The following TMBIM4 variants were observed in gnomAD, a reference collection of about 807,000 sequenced individuals.
TMBIM4 encodes protein lifeguard 4.
In TMBIM4, 28 loss-of-function variants were observed where a neutral mutation model predicts 27.7. The observed-to-expected ratio is 1.01, with a 90% CI of 0.75 to 1.38. The LOEUF is 1.38. TMBIM4 is among the 40% of genes most tolerant of loss of function. The pLI is 0.00. For missense variants in TMBIM4, 265 were observed against 277.5 expected, an observed-to-expected ratio of 0.95 and a Z score of 0.32; for synonymous variants, 115 against 113.1, an observed-to-expected ratio of 1.02 and a Z score of -0.11.
At chr12:66,139,283 T>C (rs1370011291) in intron 5 of TMBIM4, among the ~76,000 whole-genome samples, 1 of 152,222 alleles carries the variant, frequency 6.6e-6, no homozygotes, top group Non-Finnish European at 1.5e-5. Flanking sequence ...TCAATTGTTA[T>C]ATATAGAGAG....
intron 1 of TMBIM4, among the ~76,000 whole-genome samples, chr12:66,157,927 A>T (rs973871650): frequency 5.3e-5 from 8 of 152,170 alleles, no homozygotes; most frequent in Admixed American, 4.6e-4. Context: ...AGCTAAAGGA[A>T]GAAATGTCAA....
chr12:66,161,157 T>C (rs1275624083), intron 1 of TMBIM4: 2 of 151,408 alleles, frequency 1.3e-5, no homozygotes, highest in Non-Finnish European at 2.9e-5. Flanking sequence ...TGATTTGTTG[T>C]TTTCCACCAA....
intron 1 of TMBIM4, among the ~76,000 whole-genome samples, chr12:66,155,524 G>A (rs1348746646): frequency 6.6e-6 from 1 of 151,972 alleles, no homozygotes; most frequent in African/African-American, 2.4e-5. Context: ...GTAGAGATGG[G>A]GTTTTACCAC....
intron 5 of TMBIM4, among the ~76,000 whole-genome samples, chr12:66,142,567 A>G (rs1293635000): frequency 6.6e-6 from 1 of 151,920 alleles, no homozygotes; most frequent in African/African-American, 2.4e-5. Flanking sequence ...CTACACACAC[A>G]GTGGGTTGTG....
intron 1 of TMBIM4, among the ~76,000 whole-genome samples, chr12:66,155,203 G>A (rs964840189): frequency 6.6e-6 from 1 of 151,868 alleles, no homozygotes; most frequent in African/African-American, 2.4e-5. Flanking sequence ...GATTTTCTGG[G>A]CTATGAGAAA....
intron 1 of TMBIM4, among the ~76,000 whole-genome samples, chr12:66,158,013 T>C (rs1166993074): frequency 1.3e-5 from 2 of 151,472 alleles, no homozygotes; most frequent in Non-Finnish European, 2.9e-5. Flanking sequence ...CATCACGAGG[T>C]TAGGAGATCA....
intron 3 of TMBIM4, among the ~76,000 whole-genome samples, chr12:66,148,662 T>C (rs1198169824): frequency 6.6e-6 from 1 of 152,246 alleles, no homozygotes; most frequent in East Asian, 1.9e-4. Context: ...TAGGAATGCC[T>C]GGACCTTAGC....
At position 66,138,064 on chromosome 12, in the gene TMBIM4, G is replaced by A; in HGVS notation, c.613C>T (p.Leu205=). ...GCTAATACGTACTCTTCAGGTGACA[G>A]TTTATGCATCAGTGAGTGTGTGTCA... ...IYDTHSLMHK[L]SPEEYVLAAI... Residue 205 remains leucine (L), a synonymous_variant, in exon 7 of 7, where the codon CTG becomes TTG. Coordinates refer to ENST00000358230, the MANE Select transcript of TMBIM4 (RefSeq NM_016056.4). 1 of 1,614,030 alleles carries A rather than the reference G, an allele frequency of 6.2e-7. No homozygotes were observed.
intron 4 of TMBIM4, among the ~76,000 whole-genome samples, chr12:66,147,119 CTATT>C (rs967259646): frequency 1.6e-4 from 24 of 151,802 alleles, no homozygotes; most frequent in Admixed American, 5.3e-4. Flanking sequence ...AGCTTCAATC[CTATT>C]TATTATTTAT....
chr12:66,152,281 A>G lies in TMBIM4; in HGVS notation c.302T>C (p.Leu101Pro). The G allele has an allele frequency of 6.3e-7, 1 of 1,582,908 alleles. No homozygotes were observed. The highest frequency in any genetic ancestry group is 8.6e-7 in the Non-Finnish European group (1 of 1,163,402). The change falls in exon 3 of 7, where the codon CTT becomes CCT. Residue 101 changes from leucine (L) to proline (P), a missense_variant. Transcript: ENST00000358230. ...AGTCAGAGTACTCACAAATCCAAAA[A>G]GTAGGTACAGGTTAAGGGGATACTT... ...RHKYPLNLYL[L>P]FGFTLLEALT...
chr12:66,150,772 C>G (rs2051832965), intron 3 of TMBIM4, among the ~76,000 whole-genome samples: 1 of 151,924 alleles, frequency 6.6e-6, no homozygotes, highest in African/African-American at 2.4e-5. Context: ...GCAGTGGGAG[C>G]TAAAGTTAAA....
intron 3 of TMBIM4, among the ~76,000 whole-genome samples, chr12:66,149,486 G>C (rs902153790): frequency 2.6e-5 from 4 of 151,090 alleles, no homozygotes; most frequent in East Asian, 1.9e-4. Context: ...ATTTTTTTGG[G>C]GGGGGCAGGG....
chr12:66,164,701 T>C (rs1344917576), intron 1 of TMBIM4, among the ~76,000 whole-genome samples: 1 of 152,228 alleles, frequency 6.6e-6, no homozygotes, highest in Non-Finnish European at 1.5e-5. Flanking sequence ...CGTTTGCTTT[T>C]GCCATTTCTA....
intron 5 of TMBIM4, chr12:66,145,510 T>A (rs904765655): frequency 5.9e-6 from 1 of 169,052 alleles, no homozygotes; most frequent in African/African-American, 2.4e-5. Context: ...ATGGTCTTGG[T>A]AACATTTATG....
At chr12:66,158,227 C>CAAAA (rs397947155) in intron 1 of TMBIM4, among the ~76,000 whole-genome samples, 22 of 112,388 alleles carry the variant, frequency 2.0e-4, no homozygotes, top group East Asian at 4.0e-4. Context: ...CTCCGTCTCA[C>CAAAA]AAAAAAAAAA....
chr12:66,146,933 G>C (rs1285408526), intron 4 of TMBIM4, among the ~76,000 whole-genome samples: 1 of 152,116 alleles, frequency 6.6e-6, no homozygotes, highest in African/African-American at 2.4e-5. Context: ...AATGTTCTCA[G>C]ATTACCTCAT....
At chr12:66,166,973 C>T (rs761320611) in intron 1 of TMBIM4, among the ~76,000 whole-genome samples, 11 of 152,148 alleles carry the variant, frequency 7.2e-5, no homozygotes, top group Non-Finnish European at 1.6e-4. Context: ...AATGAGCTAT[C>T]AAGCCATGCA....
intron 3 of TMBIM4, among the ~76,000 whole-genome samples, chr12:66,148,242 TA>T (rs2051784237): frequency 6.6e-6 from 1 of 152,162 alleles, no homozygotes; most frequent in Non-Finnish European, 1.5e-5. Context: ...GTAATATAAA[TA>T]AAAATACAAT....
At chr12:66,157,954 T>TGG (rs2051964144) in intron 1 of TMBIM4, among the ~76,000 whole-genome samples, 1 of 152,082 alleles carries the variant, frequency 6.6e-6, no homozygotes, top group Non-Finnish European at 1.5e-5. Flanking sequence ...GGGCCAGGCA[T>TGG]GGTGGCTCAT....
Sources: allele counts gnomAD v4.1 joint callset (sites outside exome capture counted in the v4.1 genomes callset), GRCh38; gene constraint gnomAD v4.1.1; transcripts MANE v1.5; gene names NCBI Gene and HGNC (gene_info 2026-07-23, HGNC 2026-07-21).